PCDH11X: variants seen among roughly 807,000 people sequenced by gnomAD.
PCDH11X encodes protocadherin 11 X-linked.
Under a neutral mutation model 53.3 loss-of-function variants are expected in PCDH11X, and 18 were observed. The observed-to-expected ratio is 0.34, with a 90% confidence interval of 0.23 to 0.50. The LOEUF (loss-of-function observed/expected upper bound fraction) is 0.50, where lower values mean the gene tolerates loss of function less well. Ranked by LOEUF, PCDH11X falls within the 20% of genes least tolerant of loss-of-function variation. The pLI is 0.98. For missense variants in PCDH11X, 570 were observed against 1,032.4 expected (o/e 0.55, Z 6.14); for synonymous variants, 279 against 393.3 (o/e 0.71, Z 3.44).
At chrX:92,180,105 AG>A (rs1035733647) in intron 6 of PCDH11X, among the ~76,000 whole-genome samples, 2 of 112,355 alleles carry the variant, frequency 1.8e-5, no homozygotes, top group African/African-American at 6.5e-5. Flanking sequence ...GAAAAGCCTC[AG>A]GAAACTTACA....
At chrX:92,600,758 C>T (rs2148807303) in intron 10 of PCDH11X, among the ~76,000 whole-genome samples, 1 of 105,750 alleles carries the variant, frequency 9.5e-6, no homozygotes, top group Admixed American at 1.0e-4. Flanking sequence ...TTGCACCATG[C>T]ACCTGAAAAA....
Position 92,107,461 on chromosome X carries a change from GTGTGGTGGCTCACGCC to G in PCDH11X, c.3034-93910_3034-93895del, listed in dbSNP as rs2064408981. Among the ~76,000 whole-genome samples the G allele has an allele frequency of 1.1e-4, 12 of 112,590 alleles. No homozygotes were observed. In the South Asian group the frequency reaches 4.4e-3, roughly 41 times the overall value. On this transcript the variant is annotated intron_variant, in intron 6 of 10. Coordinates refer to ENST00000682573, the MANE Select transcript of PCDH11X (RefSeq NM_032968.5). ...ATTGTCCAAATCACCAAGAGGCTGGGTGTGGTGGCTCACGCCTGTAATCCCAGTACTTTGGGAGGCA... is the reference window on the plus strand; with the variant it reads ...ATTGTCCAAATCACCAAGAGGCTGGGTGTAATCCCAGTACTTTGGGAGGCA...
At chrX:92,585,546 A>G (rs1924294378) in intron 10 of PCDH11X, among the ~76,000 whole-genome samples, 1 of 107,851 alleles carries the variant, frequency 9.3e-6, no homozygotes, top group African/African-American at 3.4e-5. Flanking sequence ...AATTTTTTGT[A>G]TTTTTGGTAG....
chrX:92,190,981 C>G (rs1027504684), intron 6 of PCDH11X, among the ~76,000 whole-genome samples: 7 of 111,529 alleles, frequency 6.3e-5, no homozygotes, highest in Non-Finnish European at 1.3e-4. Flanking sequence ...CAAATCTTTC[C>G]CAATGCCCTA....
intron 7 of PCDH11X, among the ~76,000 whole-genome samples, chrX:92,232,777 T>C (rs1047626624): frequency 6.2e-5 from 7 of 112,188 alleles, no homozygotes; most frequent in Non-Finnish European, 1.1e-4. Context: ...AGTGCAGTGG[T>C]GCGATCTTGG....
At chrX:92,419,495 G>GT (rs34551081) in intron 9 of PCDH11X, among the ~76,000 whole-genome samples, 14 of 104,718 alleles carry the variant, frequency 1.3e-4, no homozygotes, top group East Asian at 3.1e-4. Context: ...GTTGGGCTTT[G>GT]TTTTTTTTGT....
At position 92,278,806 on chromosome X, in the gene PCDH11X, G is replaced by GTTTTTTTTTTTTTTTTTTTTTTT. The variant is rs35000823; in HGVS notation, c.3144+15685_3144+15686insTTTTTTTTTTTTTTTTTTTTTTT. Among the ~76,000 whole-genome samples, 5 of 47,378 alleles carry GTTTTTTTTTTTTTTTTTTTTTTT rather than the reference G, an allele frequency of 1.1e-4. 1 individual carries two copies. The highest frequency in any genetic ancestry group is 4.6e-4 in the African/African-American group (5 of 10,808). 41.1% of individuals were successfully genotyped at this position (47,378 alleles called of 115,157 possible). On this transcript the variant is annotated intron_variant, in intron 8 of 10. Transcript: ENST00000682573. ...TCAGAGGCCTGACAGTCTCTTTTCA[G>GTTTTTTTTTTTTTTTTTTTTTTT]TTTTTTTTTTTTTTTTTTTTTTGAG...
chrX:91,822,127 A>G (rs2147586199), intron 4 of PCDH11X, among the ~76,000 whole-genome samples: 1 of 110,119 alleles, frequency 9.1e-6, no homozygotes, highest in Admixed American at 9.6e-5. Context: ...ATATTGGTCT[A>G]AAATTCTCTT....
chrX:92,236,617 A>G (rs28549878), intron 7 of PCDH11X, among the ~76,000 whole-genome samples: 14,973 of 110,965 alleles, frequency 0.13, 1,663 homozygotes, highest in African/African-American at 0.37. Context: ...CACTCCATAA[A>G]GAACTAGTAA....
intron 8 of PCDH11X, among the ~76,000 whole-genome samples, chrX:92,325,420 A>G (rs2069308526): frequency 9.0e-6 from 1 of 111,402 alleles, no homozygotes; most frequent in Non-Finnish European, 1.9e-5. Context: ...CAAACATAAT[A>G]TTAAGATAGT....
At chrX:92,338,344 G>A (rs755146800) in intron 8 of PCDH11X, among the ~76,000 whole-genome samples, 11 of 111,759 alleles carry the variant, frequency 9.8e-5, no homozygotes, top group Non-Finnish European at 1.7e-4. Flanking sequence ...TGGGATAGCA[G>A]AGTGCAGACT....
At chrX:92,460,198 G>T in intron 9 of PCDH11X, 4 of 918,714 alleles carry the variant, frequency 4.4e-6, no homozygotes, top group Non-Finnish European at 6.3e-6. Context: ...CCAGTCTGTG[G>T]AGAACGACAT....
chrX:92,361,060 C>T (rs1368788971), intron 8 of PCDH11X, among the ~76,000 whole-genome samples: 2 of 110,082 alleles, frequency 1.8e-5, no homozygotes, highest in Admixed American at 1.9e-4. Flanking sequence ...CATGTTACGT[C>T]ACTCACAATT....
rs1385139674 is a variant in PCDH11X, at chrX:91,813,860, C to G, written c.-45+2565C>G. ...AGGAGAAGCAGTTCTTACGTGAAAT[C>G]TCTCTTTAACAGTTCCTCTTGAAAA... On this transcript the variant is annotated intron_variant, in intron 4 of 10. Coordinates refer to ENST00000682573, the MANE Select transcript of PCDH11X (RefSeq NM_032968.5). 2.8e-5 allele frequency among the ~76,000 whole-genome samples: 3 copies of G among 108,624 alleles called. No individual in the cohort carries two copies. The Admixed American group carries it at 3.0e-4, about 11-fold the overall frequency. 94.3% of individuals were successfully genotyped at this position (108,624 alleles called of 115,157 possible).
chrX:92,331,291 C>CTTT (rs1556368175), intron 8 of PCDH11X, among the ~76,000 whole-genome samples: 1 of 81,198 alleles, frequency 1.2e-5, no homozygotes, highest in Non-Finnish European at 2.3e-5. Flanking sequence ...TCTTCTTCTT[C>CTTT]TTCTTCTTCT....
chrX:92,034,989 C>G (rs1377847745), intron 6 of PCDH11X, among the ~76,000 whole-genome samples: 1 of 109,965 alleles, frequency 9.1e-6, no homozygotes, highest in Non-Finnish European at 1.9e-5. Context: ...GCTGATAACA[C>G]CTTAACATTG....
intron 6 of PCDH11X, among the ~76,000 whole-genome samples, chrX:92,137,072 A>C (rs2759734): frequency 0.037 from 3,990 of 106,569 alleles, 225 homozygotes; most frequent in African/African-American, 0.13. Context: ...TGGCTCACTG[A>C]AGCCTCAAAC....
intron 8 of PCDH11X, among the ~76,000 whole-genome samples, chrX:92,339,908 C>A (rs1277185194): frequency 9.0e-6 from 1 of 110,883 alleles, no homozygotes; most frequent in African/African-American, 3.3e-5. Flanking sequence ...TATCTCATTT[C>A]AGCATTAACT....
At chrX:92,285,713 G>T in intron 8 of PCDH11X, among the ~76,000 whole-genome samples, 1 of 111,047 alleles carries the variant, frequency 9.0e-6, no homozygotes, top group Admixed American at 9.6e-5. Flanking sequence ...ATTAATTAAA[G>T]ATTGCTGAGA....
Sources: allele counts gnomAD v4.1 joint callset (sites outside exome capture counted in the v4.1 genomes callset), GRCh38; gene constraint gnomAD v4.1.1; transcripts MANE v1.5; gene names NCBI Gene and HGNC (gene_info 2026-07-23, HGNC 2026-07-21).